FLVCR1: variants seen among roughly 807,000 people sequenced by gnomAD.
FLVCR1 encodes the protein choline/ethanolamine transporter FLVCR1.
Under a neutral mutation model 53.6 loss-of-function variants are expected in FLVCR1, and 34 were observed. That is an observed-to-expected ratio of 0.63 (90% CI 0.48 to 0.84). FLVCR1 has a LOEUF of 0.84. FLVCR1 is among the 40% of genes least tolerant of loss of function. FLVCR1 has a pLI of 0.00. For missense variants in FLVCR1, 677 were observed against 696.7 expected (o/e 0.97, Z 0.32); for synonymous variants, 300 against 286.3 (o/e 1.05, Z -0.48).
Position 212,858,354 on chromosome 1 carries a change from G to A in FLVCR1, c.-99G>A. 6.0e-6 allele frequency: 7 copies of A among 1,171,042 alleles called. No homozygotes were observed. Among genetic ancestry groups the A allele is most frequent in the Non-Finnish European group, 8.1e-6 (7 of 868,510 alleles). The allele number at this position is 1,171,042 out of a possible 1,614,324, so 72.5% of individuals were successfully genotyped here. The stretch of plus-strand genomic sequence containing the variant: ...CGGGGAAGGAGCGGTGGGCCGAGGG[G>A]TTGGAGGTGGGGCCCCAGGAGGACC... On this transcript the variant is annotated 5_prime_UTR_variant, in exon 1 of 10. Coordinates refer to ENST00000366971, the MANE Select transcript of FLVCR1 (RefSeq NM_014053.4).
rs1558124499 is a variant in FLVCR1, at chr1:212,896,890, G to GAAAAAAAAAAAAAAA, written c.*1600_*1601insAAAAAAAAAAAAAAA. 1 of 93,564 alleles carries GAAAAAAAAAAAAAAA rather than the reference G, an allele frequency of 1.1e-5. No individual in the cohort carries two copies. Among genetic ancestry groups the GAAAAAAAAAAAAAAA allele is most frequent in the African/African-American group, 4.2e-5 (1 of 23,574 alleles). 5.8% of individuals were successfully genotyped at this position (93,564 alleles called of 1,614,324 possible). ...AAAAAAAAAAAAAAAAAAAAAAAAG[G>GAAAAAAAAAAAAAAA]CCAGGCGCAGTGCTGTGGCTCATGC... On this transcript the variant is annotated 3_prime_UTR_variant, in exon 10 of 10. Coordinates refer to ENST00000366971, the MANE Select transcript of FLVCR1 (RefSeq NM_014053.4).
intron 5 of FLVCR1, among the ~76,000 whole-genome samples, chr1:212,886,464 C>T (rs12043852): frequency 7.2e-5 from 11 of 151,906 alleles, no homozygotes; most frequent in Non-Finnish European, 1.2e-4. Flanking sequence ...GGCTAAAGTA[C>T]GCCCAGACTA....
chr1:212,888,038 G>A (rs780066221), intron 6 of FLVCR1, 37 bp downstream of exon 6: 2 of 1,157,712 alleles, frequency 1.7e-6, no homozygotes, highest in Admixed American at 1.7e-5. Context: ...ATGATAGCAT[G>A]CTGTTATAAT....
At chr1:212,860,350 G>GTTTTTTTTTTTTCTTTTTTTT (rs1664188067) in intron 1 of FLVCR1, among the ~76,000 whole-genome samples, 1 of 85,824 alleles carries the variant, frequency 1.2e-5, no homozygotes, top group Non-Finnish European at 2.4e-5. Context: ...TGTGTGTGTG[G>GTTTTTTTTTTTTCTTTTTTTT]TTTTTTTTTT....
chr1:212,889,410 C>G (rs934139174), intron 8 of FLVCR1, among the ~76,000 whole-genome samples, 153 bp downstream of exon 8: 2 of 152,216 alleles, frequency 1.3e-5, no homozygotes, highest in Non-Finnish European at 2.9e-5. Flanking sequence ...GAATCTCTTA[C>G]TTCATTTTGC....
At chr1:212,883,618 A>T (rs536554152) in intron 4 of FLVCR1, among the ~76,000 whole-genome samples, 180 bp downstream of exon 4, 1 of 152,326 alleles carries the variant, frequency 6.6e-6, no homozygotes, top group African/African-American at 2.4e-5. Context: ...TTATATATCT[A>T]ATTGGCTTTT....
intron 2 of FLVCR1, among the ~76,000 whole-genome samples, chr1:212,871,386 G>T (rs1229153174): frequency 6.6e-6 from 1 of 152,100 alleles, no homozygotes; most frequent in Non-Finnish European, 1.5e-5. Context: ...CAGCCCTTCT[G>T]TAAATAGTTT....
intron 3 of FLVCR1, among the ~76,000 whole-genome samples, 153 bp from the exon 4 acceptor site, chr1:212,883,218 A>G (rs1224818588): frequency 2.0e-5 from 3 of 152,238 alleles, no homozygotes; most frequent in Non-Finnish European, 4.4e-5. Flanking sequence ...AATGGTTTTT[A>G]ATTTCCTTTA....
intron 3 of FLVCR1, among the ~76,000 whole-genome samples, chr1:212,878,757 A>G (rs1664839236): frequency 6.6e-6 from 1 of 152,146 alleles, no homozygotes; most frequent in African/African-American, 2.4e-5. Context: ...CATAGAGAAA[A>G]TTAGAAAACA....
intron 2 of FLVCR1, among the ~76,000 whole-genome samples, chr1:212,870,516 G>A (rs566046644): frequency 1.3e-5 from 2 of 151,984 alleles, no homozygotes; most frequent in South Asian, 2.1e-4. Flanking sequence ...CTCAAAATCT[G>A]TATTATTTTT....
intron 3 of FLVCR1, among the ~76,000 whole-genome samples, chr1:212,881,010 C>A (rs1401211249): frequency 2.0e-5 from 3 of 152,114 alleles, no homozygotes; most frequent in Non-Finnish European, 2.9e-5. Flanking sequence ...TATTTAAAGT[C>A]ATGTTGCCAT....
intron 2 of FLVCR1, among the ~76,000 whole-genome samples, chr1:212,868,873 A>C (rs1453193774): frequency 6.6e-6 from 1 of 152,200 alleles, no homozygotes; most frequent in Non-Finnish European, 1.5e-5. Context: ...GTATCATGTA[A>C]TCTTCATAAC....
chr1:212,858,949 G>A lies in FLVCR1; in HGVS notation c.497G>A (p.Trp166Ter), dbSNP rs1382534415. 1 of 1,614,178 alleles carries A rather than the reference G, an allele frequency of 6.2e-7. No individual in the cohort carries two copies. Among genetic ancestry groups the A allele is most frequent in the South Asian group, 1.1e-5 (1 of 91,088 alleles). The change falls in exon 1 of 10, where the codon TGG (tryptophan) becomes TAG (stop). Residue 166 changes from tryptophan to a stop codon, truncating the protein, a stop_gained. Transcript: ENST00000366971. LOFTEE classifies it high-confidence loss of function. ...GTGCCCCTCATCTTCCCGGCCACCT[G>A]GCTGCTGGACACCAGAGGCCTGCGG... ...AYVPLIFPAT[W>*]LLDTRGLRLT...
At chr1:212,891,994 T>C (rs1230947947) in intron 8 of FLVCR1, among the ~76,000 whole-genome samples, 2 of 152,194 alleles carry the variant, frequency 1.3e-5, no homozygotes, top group Non-Finnish European at 2.9e-5. Flanking sequence ...AAGCCTAATC[T>C]AGAGCAAGGC....
intron 1 of FLVCR1, among the ~76,000 whole-genome samples, chr1:212,862,178 C>A (rs1484796296): frequency 2.7e-5 from 2 of 75,200 alleles, no homozygotes; most frequent in Non-Finnish European, 6.7e-5. Context: ...AGGTAAAATT[C>A]ACATAAATAA....
At chr1:212,862,941 C>T (rs914220917) in intron 1 of FLVCR1, among the ~76,000 whole-genome samples, 9 of 152,122 alleles carry the variant, frequency 5.9e-5, no homozygotes, top group African/African-American at 2.2e-4. Context: ...GCTTATTGAC[C>T]ATTTGTATAT....
At chr1:212,876,030 G>A (rs758072555) in intron 3 of FLVCR1, among the ~76,000 whole-genome samples, 20 of 151,642 alleles carry the variant, frequency 1.3e-4, no homozygotes, top group Non-Finnish European at 2.1e-4. Flanking sequence ...GAGACTACAG[G>A]TGTGTGCTAC....
intron 3 of FLVCR1, among the ~76,000 whole-genome samples, chr1:212,879,852 C>T (rs995825496): frequency 2.6e-5 from 4 of 152,032 alleles, no homozygotes; most frequent in South Asian, 2.1e-4. Context: ...CCACCACACC[C>T]GGCCAAATTT....
intron 6 of FLVCR1, 51 bp downstream of exon 6, chr1:212,888,052 G>T: frequency 9.5e-7 from 1 of 1,057,982 alleles, no homozygotes; most frequent in Non-Finnish European, 1.5e-6. Context: ...TTATAATTCT[G>T]AAGTATTATT....
Sources: gnomAD v4.1 joint callset for allele counts (sites outside exome capture counted in the v4.1 genomes callset) on GRCh38, gnomAD v4.1.1 for gene constraint, MANE v1.5 for transcripts, NCBI Gene and HGNC (gene_info 2026-07-23, HGNC 2026-07-21) for gene names.